The following ADAT3 variants were observed in gnomAD, a reference collection of about 807,000 sequenced individuals.
ADAT3 encodes the protein adenosine deaminase tRNA specific 3.
ADAT3 carries 2 observed loss-of-function variants against 3.5 expected under a neutral mutation model. That is an observed-to-expected ratio of 0.57 (90% CI 0.23 to 1.79). The LOEUF (loss-of-function observed/expected upper bound fraction) is 1.79. ADAT3 is among the 40% of genes most tolerant of loss of function. The probability of loss-of-function intolerance (pLI) is 0.18; values close to 1 mark genes in which losing one functional copy is unlikely to be tolerated. For missense variants in ADAT3, 735 were observed against 571.4 expected (o/e 1.29, Z -2.92); for synonymous variants, 358 against 270.3 (o/e 1.32, Z -3.18).
intron 1 of ADAT3, among the ~76,000 whole-genome samples, chr19:1,907,600 TTAGA>T (rs938624762): frequency 1.3e-5 from 2 of 152,042 alleles, no homozygotes; most frequent in Admixed American, 6.6e-5. Flanking sequence ...ATCTGTGGGC[TTAGA>T]TAAAGGCCTC....
chr19:1,913,371 C>G lies in ADAT3; in HGVS notation c.*220C>G. On this transcript the variant is annotated 3_prime_UTR_variant, in exon 2 of 2. Coordinates refer to ENST00000329478, the MANE Select transcript of ADAT3 (RefSeq NM_138422.4). ...GCCAGCGGTGCCCTTCTGCGGCCGC[C>G]CTTGCTGCGTTTGTGTCCCCTCTGT... 1 of 679,368 alleles carries G rather than the reference C, an allele frequency of 1.5e-6. No homozygotes were observed. Among genetic ancestry groups the G allele is most frequent in the Non-Finnish European group, 2.5e-6 (1 of 405,452 alleles). 42.1% of individuals were successfully genotyped at this position (679,368 alleles called of 1,614,324 possible). A position where few individuals can be genotyped will look rare whatever the true frequency, so the allele number is the denominator to read the frequency against.
rs559669662 is a variant in ADAT3 at position 1,913,059 on chromosome 19, C to T, written c.1012C>T (p.Arg338Cys). The T allele has an allele frequency of 2.6e-5, 41 of 1,602,976 alleles. No individual in the cohort carries two copies. The South Asian group carries it at 3.6e-4, about 14-fold the overall frequency. The change falls in exon 2 of 2, where the codon CGC (arginine) becomes TGC (cysteine). Residue 338 changes from arginine (R) to cysteine (C), a missense_variant. By Grantham distance (180) the Arg-to-Cys change is radical (BLOSUM62 -3). Coordinates refer to ENST00000329478, the MANE Select transcript of ADAT3 (RefSeq NM_138422.4). Reference sequence around the variant, plus strand: ...CGACGGCGCCCTGGGCACCCGCTTCCGCATCCACGCACGGCCCGACCTCAA... The same window carrying T: ...CGACGGCGCCCTGGGCACCCGCTTCTGCATCCACGCACGGCCCGACCTCAA... Reference protein sequence around the residue: ...SPDGALGTRFRIHARPDLNHR... With the variant: ...SPDGALGTRFCIHARPDLNHR...
rs574538252 is a variant in ADAT3 at position 1,908,254 on chromosome 19, C to T, written c.-159+2815C>T. Reference sequence around the variant, plus strand: ...TGGCGCTGCCTCCGCGCTTCCTGCTCCCGGCTCCCACTGCATCTCCGGTTC... The same window carrying T: ...TGGCGCTGCCTCCGCGCTTCCTGCTTCCGGCTCCCACTGCATCTCCGGTTC... On this transcript the variant is annotated intron_variant, in intron 1 of 1. Coordinates refer to ENST00000329478, the MANE Select transcript of ADAT3 (RefSeq NM_138422.4). The surrounding 1 kb of genome is among the most constrained non-coding windows in gnomAD (Gnocchi z 4.2). 2.1e-5 allele frequency: 6 copies of T among 283,666 alleles called. No homozygotes were observed. Among genetic ancestry groups the T allele is most frequent in the South Asian group, 1.4e-4 (5 of 35,378 alleles). The allele number at this position is 283,666 out of a possible 1,614,324, so 17.6% of individuals were successfully genotyped here. A position where few individuals can be genotyped will look rare whatever the true frequency, so the allele number is the denominator to read the frequency against.
intron 1 of ADAT3, among the ~76,000 whole-genome samples, chr19:1,910,930 G>A (rs186978199): frequency 6.6e-6 from 1 of 151,526 alleles, no homozygotes; most frequent in Non-Finnish European, 1.5e-5. Flanking sequence ...GCAGTGGCGC[G>A]ATCTCGGCTC....
At position 1,912,396 on chromosome 19, in the gene ADAT3, T is replaced by C. The variant is rs749836878; in HGVS notation, c.349T>C (p.Ser117Pro). 2 of 1,517,014 alleles carry C rather than the reference T, an allele frequency of 1.3e-6. No homozygotes were observed. The highest frequency in any genetic ancestry group is 2.5e-5 in the South Asian group (2 of 81,614). The allele number at this position is 1,517,014 out of a possible 1,614,324, so 94.0% of individuals were successfully genotyped here. Residue 117 changes from serine (S) to proline (P), a missense_variant, in exon 2 of 2, where the codon TCG becomes CCG. Ser to Pro is a moderately conservative substitution (Grantham distance 74, BLOSUM62 -1). Transcript: ENST00000329478. ...GCTGCTTTGCCTGGCTGGGCCGGCC[T>C]CGGGCCCGCGCTCGCTGGCTGAGCT... is the stretch of plus-strand genomic sequence containing the variant. ...EMLLCLAGPA[S>P]GPRSLAELLP...
chr19:1,905,503 G>A (rs1428299672), intron 1 of ADAT3, 64 bp downstream of exon 1: 1 of 423,178 alleles, frequency 2.4e-6, no homozygotes, highest in Non-Finnish European at 5.0e-6. Context: ...GGGGAGTAGG[G>A]GCTGACATGG....
chr19:1,909,224 G>A (rs1349888994), intron 1 of ADAT3, among the ~76,000 whole-genome samples: 1 of 152,128 alleles, frequency 6.6e-6, no homozygotes, highest in East Asian at 1.9e-4. Flanking sequence ...TGAGACTGTG[G>A]TTTGGGGGTG....
chr19:1,912,506 C>T lies in ADAT3; in HGVS notation c.459C>T (p.Gly153=), dbSNP rs916948926. 5 of 1,495,556 alleles carry T rather than the reference C, an allele frequency of 3.3e-6. No individual in the cohort carries two copies. The highest frequency in any genetic ancestry group is 1.3e-5 in the South Asian group (1 of 79,780). The allele number at this position is 1,495,556 out of a possible 1,614,324, so 92.6% of individuals were successfully genotyped here. A position where few individuals can be genotyped will look rare whatever the true frequency, so the allele number is the denominator to read the frequency against. Residue 153 remains glycine, a synonymous_variant, in exon 2 of 2, where the codon GGC becomes GGT. Transcript: ENST00000329478. ...PVPARPPLTR[G]QFEEARAHWP... ...CCGCCCGGCCGCCTCTGACCAGGGG[C>T]CAGTTCGAGGAGGCCCGGGCCCACT... is the stretch of plus-strand genomic sequence containing the variant.
Position 1,905,416 on chromosome 19 carries a change from T to TGCGCTC in ADAT3, c.-177_-172dup. The stretch of plus-strand genomic sequence containing the variant: ...CGGTTGCTAAGACTTGGCGAAGCGC[T>TGCGCTC]GCGCTCGCGCCCGGATCCCTCAGGT... On this transcript the variant is annotated 5_prime_UTR_variant, in exon 1 of 2. Coordinates refer to ENST00000329478, the MANE Select transcript of ADAT3 (RefSeq NM_138422.4). 2.2e-6 allele frequency: 1 copy of TGCGCTC among 463,290 alleles called. No homozygotes were observed. The highest frequency in any genetic ancestry group is 4.5e-6 in the Non-Finnish European group (1 of 223,758). 28.7% of individuals were successfully genotyped at this position (463,290 alleles called of 1,614,324 possible). A position where few individuals can be genotyped will look rare whatever the true frequency, so the allele number is the denominator to read the frequency against.
In ADAT3 at chr19:1,913,285, A is replaced by G; in HGVS notation, c.*134A>G. On this transcript the variant is annotated 3_prime_UTR_variant, in exon 2 of 2. Coordinates refer to ENST00000329478, the MANE Select transcript of ADAT3 (RefSeq NM_138422.4). Reference sequence around the variant, plus strand: ...ACACATACCGCCTCCAGCGGGGAGCACGGGTGCTGCCTTCCGTGCGGATCG... The same window carrying G: ...ACACATACCGCCTCCAGCGGGGAGCGCGGGTGCTGCCTTCCGTGCGGATCG... The G allele has an allele frequency of 1.5e-6, 2 of 1,313,450 alleles. No homozygotes were observed. The highest frequency in any genetic ancestry group is 1.6e-5 in the South Asian group (1 of 63,766). 81.4% of individuals were successfully genotyped at this position (1,313,450 alleles called of 1,614,324 possible). A position where few individuals can be genotyped will look rare whatever the true frequency, so the allele number is the denominator to read the frequency against.
intron 1 of ADAT3, among the ~76,000 whole-genome samples, chr19:1,911,423 C>T (rs1357926057): frequency 2.6e-5 from 4 of 152,148 alleles, no homozygotes; most frequent in Admixed American, 6.6e-5. Context: ...CCCCCCACCT[C>T]GGCCTCCCAT....
At chr19:1,907,971 G>A (rs192087969) in intron 1 of ADAT3, 26 of 154,592 alleles carry the variant, frequency 1.7e-4, no homozygotes, top group Non-Finnish European at 3.0e-4. Flanking sequence ...CCAAGGGCGC[G>A]GCGGGCCCAG....
At chr19:1,910,162 C>T (rs1387972597) in intron 1 of ADAT3, among the ~76,000 whole-genome samples, 1 of 152,186 alleles carries the variant, frequency 6.6e-6, no homozygotes, top group Non-Finnish European at 1.5e-5. Flanking sequence ...ATGGCTGGCT[C>T]CTCTCTGCGG....
intron 1 of ADAT3, among the ~76,000 whole-genome samples, chr19:1,909,104 GAA>G (rs774397199): frequency 6.2e-4 from 81 of 129,890 alleles, no homozygotes; most frequent in African/African-American, 2.3e-3. Context: ...GACTCTGTCT[GAA>G]AAAAAAAAAA....
chr19:1,906,149 C>T (rs2145418382), intron 1 of ADAT3: 1 of 151,804 alleles, frequency 6.6e-6, no homozygotes, highest in Non-Finnish European at 1.5e-5. Context: ...CACCTGAGGT[C>T]CGGAGTTCGA....
At position 1,912,255 on chromosome 19, in the gene ADAT3, C is replaced by T. The variant is rs982080035; in HGVS notation, c.208C>T (p.Arg70Cys). 4.4e-6 allele frequency: 7 copies of T among 1,596,918 alleles called. No homozygotes were observed. The Admixed American group carries it at 5.1e-5, about 12-fold the overall frequency. Residue 70 changes from arginine to cysteine, a missense_variant, in exon 2 of 2, where the codon CGC becomes TGC. Transcript: ENST00000329478. ...LAYAAPVLDK[R>C]QTSRLLKEVS... Reference sequence around the variant, plus strand: ...CTACGCCGCGCCCGTCCTGGACAAGCGCCAGACCTCACGCCTCCTGAAGGA... The same window carrying T: ...CTACGCCGCGCCCGTCCTGGACAAGTGCCAGACCTCACGCCTCCTGAAGGA...
At chr19:1,906,866 T>TGGTGTGTGTGTGTGTGTG (rs1555836653) in intron 1 of ADAT3, 3,256 of 130,054 alleles carry the variant, frequency 0.025, 64 homozygotes, top group East Asian at 0.085. Flanking sequence ...AAAAAAAAAA[T>TGGTGTGTGTGTGTGTGTG]TGTGTGTGTG....
Position 1,908,678 on chromosome 19 carries a change from A to T in ADAT3, c.-158-3212A>T. ...ATTTTATTATTATTTATTTATTTGA[A>T]AAAAGGAACAGGGTCTCTCTATCTT... On this transcript the variant is annotated intron_variant, in intron 1 of 1. Transcript: ENST00000329478. The surrounding 1 kb of genome is among the most constrained non-coding windows in gnomAD (Gnocchi z 4.2). 2.3e-6 allele frequency: 1 copy of T among 433,310 alleles called. No individual in the cohort carries two copies. Among genetic ancestry groups the T allele is most frequent in the Non-Finnish European group, 4.7e-6 (1 of 214,724 alleles). The allele number at this position is 433,310 out of a possible 1,614,324, so 26.8% of individuals were successfully genotyped here. A position where few individuals can be genotyped will look rare whatever the true frequency, so the allele number is the denominator to read the frequency against.
Position 1,913,090 on chromosome 19 carries a change from G to T in ADAT3, c.1043G>T (p.Arg348Leu). ...RIHARPDLNH[R>L]FQVFRGVLEE... The stretch of plus-strand genomic sequence containing the variant: ...CACGCACGGCCCGACCTCAACCACC[G>T]CTTCCAGGTGTTCCGCGGGGTGCTG... The change falls in exon 2 of 2, where the codon CGC becomes CTC. Residue 348 changes from arginine to leucine, a missense_variant. Physicochemically the swap from Arg to Leu is moderately radical, Grantham distance 102. Coordinates refer to ENST00000329478, the MANE Select transcript of ADAT3 (RefSeq NM_138422.4). The T allele has an allele frequency of 1.9e-6, 3 of 1,599,832 alleles. No homozygotes were observed. Among genetic ancestry groups the T allele is most frequent in the African/African-American group, 1.3e-5 (1 of 74,942 alleles).
Sources: allele counts gnomAD v4.1 joint callset (sites outside exome capture counted in the v4.1 genomes callset), GRCh38; gene constraint gnomAD v4.1.1; non-coding constraint Gnocchi (gnomAD v3.1); transcripts MANE v1.5; gene names NCBI Gene and HGNC (gene_info 2026-07-23, HGNC 2026-07-21).